Variants in FBXW8 observed in about 807,000 individuals in gnomAD.
FBXW8 encodes F-box/WD repeat-containing protein 8.
In FBXW8, 57 loss-of-function variants were observed where a neutral mutation model predicts 65.3. That is an observed-to-expected ratio of 0.87 (90% CI 0.71 to 1.09). FBXW8 has a LOEUF of 1.09. Ranked by LOEUF, FBXW8 falls within the 50% of genes least tolerant of loss-of-function variation. The pLI, the probability that FBXW8 is intolerant of heterozygous loss-of-function variation, is 0.00. For missense variants in FBXW8, 777 were observed against 814.8 expected (o/e 0.95, Z 0.57); for synonymous variants, 308 against 330.2 (o/e 0.93, Z 0.73).
chr12:116,978,082 A>G (rs2135652886), intron 5 of FBXW8: 1 of 152,346 alleles, frequency 6.6e-6, no homozygotes, highest in African/African-American at 2.4e-5. Flanking sequence ...TGCAGATTCC[A>G]GAATGTTTTC....
At chr12:116,979,091 T>C (rs1258455659) in intron 5 of FBXW8, 3 of 152,234 alleles carry the variant, frequency 2.0e-5, no homozygotes, top group Non-Finnish European at 4.4e-5. Context: ...CTTGTTCCCA[T>C]GACGAAGAAT....
chr12:116,953,793 C>A (rs12320173), intron 4 of FBXW8, among the ~76,000 whole-genome samples: 6 of 144,394 alleles, frequency 4.2e-5, no homozygotes, highest in African/African-American at 8.0e-5. Context: ...GACAAAAAAA[C>A]AAAACAAAAC....
intron 5 of FBXW8, among the ~76,000 whole-genome samples, chr12:116,981,870 TCCCAAAG>T (rs1885332296): frequency 2.0e-5 from 3 of 152,108 alleles, no homozygotes; most frequent in Non-Finnish European, 4.4e-5. Context: ...CACCGCAGCC[TCCCAAAG>T]TGCTGGGATT....
chr12:116,945,024 GA>G (rs1276503224), intron 2 of FBXW8, among the ~76,000 whole-genome samples: 3 of 152,156 alleles, frequency 2.0e-5, no homozygotes, highest in Non-Finnish European at 4.4e-5. Context: ...ATTCCATTCT[GA>G]AAAGCTCTGT....
chr12:117,019,419 T>G (rs1273151681), intron 8 of FBXW8, among the ~76,000 whole-genome samples: 1 of 152,202 alleles, frequency 6.6e-6, no homozygotes, highest in African/African-American at 2.4e-5. Context: ...GTCCCTGGAA[T>G]CGGTTGTCTT....
At chr12:116,935,127 A>G (rs1042278332) in intron 2 of FBXW8, among the ~76,000 whole-genome samples, 61 of 152,230 alleles carry the variant, frequency 4.0e-4, no homozygotes, top group African/African-American at 1.3e-3. Flanking sequence ...AGTAAAAGAT[A>G]GAAAAACGTG....
In FBXW8 at chr12:116,948,512, CT is replaced by C. The variant is rs559300855; in HGVS notation, c.589-1101del. ...GTGTATTTTAATGGAATGATGTCAT[CT>C]TTTTCCTAATAATAGAAATAATAAT... On this transcript the variant is annotated intron_variant, in intron 3 of 10. Coordinates refer to ENST00000652555, the MANE Select transcript of FBXW8 (RefSeq NM_153348.3). Among the ~76,000 whole-genome samples, 373 of 152,298 alleles carry C rather than the reference CT, an allele frequency of 2.4e-3. 3 individuals carry two copies. Among genetic ancestry groups the C allele is most frequent in the African/African-American group, 8.5e-3 (352 of 41,564 alleles).
chr12:117,021,399 ACTTT>A (rs957755386), intron 8 of FBXW8, among the ~76,000 whole-genome samples: 5 of 152,110 alleles, frequency 3.3e-5, no homozygotes, highest in Admixed American at 2.0e-4. Flanking sequence ...CATTGGACTG[ACTTT>A]CTGATTGTTC....
chr12:116,911,592 A>G (rs1879950253), intron 1 of FBXW8, among the ~76,000 whole-genome samples: 1 of 152,154 alleles, frequency 6.6e-6, no homozygotes, highest in Admixed American at 6.5e-5. Context: ...TGGGTGCCTC[A>G]TCGGGGTGTG....
intron 8 of FBXW8, among the ~76,000 whole-genome samples, chr12:117,013,729 GTTTTC>G (rs896512931): frequency 2.6e-5 from 4 of 151,692 alleles, no homozygotes; most frequent in East Asian, 1.9e-4. Context: ...AATCAGTGGT[GTTTTC>G]TTTTTATTTA....
chr12:116,953,988 C>T (rs1280202320), intron 4 of FBXW8, among the ~76,000 whole-genome samples: 2 of 151,606 alleles, frequency 1.3e-5, no homozygotes, highest in Non-Finnish European at 2.9e-5. Context: ...GTGGCGGGCA[C>T]CTGTAATCCT....
At chr12:116,929,894 A>T (rs1366890804) in intron 2 of FBXW8, among the ~76,000 whole-genome samples, 1 of 152,208 alleles carries the variant, frequency 6.6e-6, no homozygotes, top group Non-Finnish European at 1.5e-5. Flanking sequence ...CTATGAGCTC[A>T]ACTTTTTTAG....
At chr12:117,008,147 G>C (rs890934114) in intron 7 of FBXW8, among the ~76,000 whole-genome samples, 10 of 152,126 alleles carry the variant, frequency 6.6e-5, no homozygotes, top group African/African-American at 9.7e-5. Context: ...AAGACACATG[G>C]ACCTACTCAG....
chr12:116,932,073 G>A (rs1428283472), intron 2 of FBXW8, among the ~76,000 whole-genome samples: 2 of 151,986 alleles, frequency 1.3e-5, no homozygotes, highest in African/African-American at 4.8e-5. Flanking sequence ...TTTGTCAGAT[G>A]CTTTTTCTGC....
At chr12:116,921,971 G>A (rs1156549083) in intron 1 of FBXW8, among the ~76,000 whole-genome samples, 1 of 151,650 alleles carries the variant, frequency 6.6e-6, no homozygotes, top group African/African-American at 2.4e-5. Context: ...GGAACTACAG[G>A]TGCATGCCAC....
At chr12:116,956,811 T>C (rs1392549623) in intron 4 of FBXW8, among the ~76,000 whole-genome samples, 1 of 151,292 alleles carries the variant, frequency 6.6e-6, no homozygotes, top group East Asian at 2.0e-4. Flanking sequence ...CTACTAAAAA[T>C]AGAAAAATTA....
intron 8 of FBXW8, among the ~76,000 whole-genome samples, chr12:117,014,028 CT>C (rs1953889331): frequency 6.6e-6 from 1 of 152,026 alleles, no homozygotes; most frequent in South Asian, 2.1e-4. Flanking sequence ...TGAATATTCC[CT>C]TTCTCCTCTC....
chr12:117,027,511 G>A lies in FBXW8; in HGVS notation c.1652+7G>A. On this transcript the variant is annotated splice_region_variant and intron_variant, in intron 10 of 10. Coordinates refer to ENST00000652555, the MANE Select transcript of FBXW8 (RefSeq NM_153348.3). The stretch of plus-strand genomic sequence containing the variant: ...GCTTCACTACTCACAGGAGGTTAGT[G>A]GTGGGGCCGGGCGAGTAAGAGACCA... 2 of 1,608,546 alleles carry A rather than the reference G, an allele frequency of 1.2e-6. No homozygotes were observed. Among genetic ancestry groups the A allele is most frequent in the Non-Finnish European group, 1.7e-6 (2 of 1,174,956 alleles).
At chr12:116,963,884 A>C (rs1280224864) in intron 4 of FBXW8, among the ~76,000 whole-genome samples, 4 of 152,200 alleles carry the variant, frequency 2.6e-5, no homozygotes, top group African/African-American at 4.8e-5. Context: ...GTTGCTGTAC[A>C]AGTGGAGTAA....
Sources: gnomAD v4.1 joint callset for allele counts (sites outside exome capture counted in the v4.1 genomes callset) on GRCh38, gnomAD v4.1.1 for gene constraint, MANE v1.5 for transcripts, NCBI Gene and HGNC (gene_info 2026-07-23, HGNC 2026-07-21) for gene names.